Variants in PPP1R9A observed in about 807,000 individuals in gnomAD.
The protein encoded by PPP1R9A is protein phosphatase 1 regulatory subunit 9A, also known as neurabin-1.
In PPP1R9A, 59 loss-of-function variants were observed where a neutral mutation model predicts 141.9. The observed-to-expected ratio is 0.42, with a 90% CI of 0.34 to 0.52. PPP1R9A has a LOEUF of 0.52. Among genes scored for constraint, PPP1R9A ranks in the 20% least tolerant of loss-of-function variants. The probability of loss-of-function intolerance (pLI) is 0.10; values close to 1 mark genes in which losing one functional copy is unlikely to be tolerated. For synonymous variants in PPP1R9A, 500 were observed against 569.7 expected, an observed-to-expected ratio of 0.88 and a Z score of 1.74; for missense variants, 1,444 against 1,611.9, an observed-to-expected ratio of 0.90 and a Z score of 1.78.
intron 2 of PPP1R9A, among the ~76,000 whole-genome samples, chr7:94,931,354 T>C (rs189050456): frequency 7.2e-5 from 11 of 152,340 alleles, no homozygotes; most frequent in Non-Finnish European, 1.3e-4. Flanking sequence ...CAGCTCATTG[T>C]AAATTAAAAT....
At chr7:95,001,406 C>T (rs553529214) in intron 2 of PPP1R9A, among the ~76,000 whole-genome samples, 11 of 152,092 alleles carry the variant, frequency 7.2e-5, no homozygotes, top group African/African-American at 1.7e-4. Flanking sequence ...TGGTGATAAG[C>T]GTACAATTAT....
chr7:94,907,868 G>C (rs888121504), intron 1 of PPP1R9A, 166 bp downstream of exon 1: 11 of 148,948 alleles, frequency 7.4e-5, no homozygotes, highest in African/African-American at 2.2e-4. Flanking sequence ...GTCGCTGCTC[G>C]GGCCGCCGCC....
intron 2 of PPP1R9A, among the ~76,000 whole-genome samples, chr7:95,052,911 G>A (rs370955480): frequency 1.4e-4 from 22 of 152,192 alleles, no homozygotes; most frequent in Admixed American, 3.3e-4. Flanking sequence ...TTCTCTTGTC[G>A]TTGTGTCTGC....
intron 2 of PPP1R9A, among the ~76,000 whole-genome samples, chr7:95,050,555 C>G (rs1039190173): frequency 6.6e-6 from 1 of 152,100 alleles, no homozygotes; most frequent in Non-Finnish European, 1.5e-5. Flanking sequence ...TGGTGATACC[C>G]TGTCTCTAAT....
intron 16 of PPP1R9A, among the ~76,000 whole-genome samples, chr7:95,275,169 A>T (rs1802925030): frequency 1.3e-5 from 2 of 152,176 alleles, no homozygotes; most frequent in Admixed American, 1.3e-4. Flanking sequence ...GCACTTTGGG[A>T]GGCCAAGGCG....
chr7:95,120,564 AG>A (rs1822383933), intron 3 of PPP1R9A, 147 bp from the exon 4 acceptor site: 1 of 871,026 alleles, frequency 1.1e-6, no homozygotes, highest in South Asian at 2.5e-5. Flanking sequence ...TGCGTAGCTT[AG>A]AAAAGAATTC....
At position 95,225,974 on chromosome 7, in the gene PPP1R9A, C is replaced by T. The variant is rs1395807909; in HGVS notation, c.1970C>T (p.Ala657Val). ...CCTTCCTTTCAGACAGGAGAATATGCCACAGATGAAGAAGAAGATGAGGTA... is the reference window on the plus strand; with the variant it reads ...CCTTCCTTTCAGACAGGAGAATATGTCACAGATGAAGAAGAAGATGAGGTA... ...NNYFLKTGEYATDEEEDEVGP... is the reference protein window; with the variant it reads ...NNYFLKTGEYVTDEEEDEVGP... Residue 657 changes from alanine (A) to valine (V), a missense_variant, in exon 8 of 20, where the codon GCC (alanine) becomes GTC (valine). Physicochemically the swap from Ala to Val is moderately conservative, Grantham distance 64 (BLOSUM62 0). Coordinates refer to ENST00000433360, the MANE Select transcript of PPP1R9A (RefSeq NM_001166160.2). 1 of 1,606,602 alleles carries T rather than the reference C, an allele frequency of 6.2e-7. No homozygotes were observed. The highest frequency in any genetic ancestry group is 8.5e-7 in the Non-Finnish European group (1 of 1,174,238).
chr7:95,208,432 A>G (rs938203412), intron 7 of PPP1R9A, among the ~76,000 whole-genome samples: 5 of 152,184 alleles, frequency 3.3e-5, no homozygotes, highest in South Asian at 2.1e-4. Flanking sequence ...GTTTTTAGCA[A>G]TGTTTCTTAC....
intron 2 of PPP1R9A, among the ~76,000 whole-genome samples, chr7:95,062,103 G>C (rs781386772): frequency 2.6e-4 from 39 of 152,246 alleles, no homozygotes; most frequent in African/African-American, 9.1e-4. Context: ...AGATGTTGAA[G>C]ATGGTGGAGT....
In PPP1R9A at chr7:95,226,065, G is replaced by C. The variant is rs200781575; in HGVS notation, c.2061G>C (p.Met687Ile). ...TTGAGCTGCCTGAGAATGAGGACAT[G>C]TTTTCCCCATCAGAACTGGACACAA... ...EVFELPENED[M>I]FSPSELDTSK... The change falls in exon 8 of 20, where the codon ATG (methionine) becomes ATC (isoleucine). Residue 687 changes from methionine (M) to isoleucine (I), a missense_variant. Met to Ile is a conservative substitution (Grantham distance 10). Transcript: ENST00000433360. 1 of 1,613,620 alleles carries C rather than the reference G, an allele frequency of 6.2e-7. No individual in the cohort carries two copies. The highest frequency in any genetic ancestry group is 1.7e-5 in the Admixed American group (1 of 59,960).
At chr7:95,198,748 A>C (rs543110609) in intron 6 of PPP1R9A, among the ~76,000 whole-genome samples, 1 of 152,252 alleles carries the variant, frequency 6.6e-6, no homozygotes, top group Non-Finnish European at 1.5e-5. Context: ...TCATAGAAAC[A>C]GAAAAGGATA....
intron 2 of PPP1R9A, among the ~76,000 whole-genome samples, chr7:94,923,667 T>C (rs1793116776): frequency 6.6e-6 from 1 of 152,204 alleles, no homozygotes; most frequent in African/African-American, 2.4e-5. Flanking sequence ...GACTATATGG[T>C]AGTATGTTAT....
intron 2 of PPP1R9A, among the ~76,000 whole-genome samples, chr7:95,021,980 A>G (rs976836245): frequency 1.3e-5 from 2 of 152,194 alleles, no homozygotes; most frequent in East Asian, 1.9e-4. Context: ...TATGAAATTT[A>G]AAGTAGTTTT....
intron 7 of PPP1R9A, 151 bp from the exon 8 acceptor site, chr7:95,225,810 T>A: frequency 1.5e-6 from 1 of 674,798 alleles, no homozygotes; most frequent in East Asian, 2.8e-5. Flanking sequence ...GTTTATAACA[T>A]TGGCTGCATG....
In PPP1R9A at chr7:94,916,487, T is replaced by C. The variant is rs530217374; in HGVS notation, c.1395+4979T>C. 1.1e-3 allele frequency among the ~76,000 whole-genome samples: 175 copies of C among 152,278 alleles called. 1 individual carries two copies. The highest frequency in any genetic ancestry group is 4.1e-3 in the African/African-American group (170 of 41,554). On this transcript the variant is annotated intron_variant, in intron 2 of 19. Transcript: ENST00000433360. ...TTTCCTTTCCAGATGGGCTGCTATATCTGGTTGGGTGGAATAATATTCTCT... is the reference window on the plus strand; with the variant it reads ...TTTCCTTTCCAGATGGGCTGCTATACCTGGTTGGGTGGAATAATATTCTCT...
intron 4 of PPP1R9A, among the ~76,000 whole-genome samples, chr7:95,138,179 G>T (rs928445499): frequency 3.9e-5 from 6 of 151,986 alleles, no homozygotes; most frequent in Non-Finnish European, 7.4e-5. Flanking sequence ...TGATCCGCCC[G>T]CCTTGGTCTC....
chr7:95,132,306 A>C (rs1439674768), intron 4 of PPP1R9A, among the ~76,000 whole-genome samples: 3 of 152,092 alleles, frequency 2.0e-5, no homozygotes, highest in Non-Finnish European at 4.4e-5. Flanking sequence ...CATTTGGCCT[A>C]ATGTTGACTG....
At chr7:94,938,039 C>T (rs2150915369) in intron 2 of PPP1R9A, among the ~76,000 whole-genome samples, 1 of 152,240 alleles carries the variant, frequency 6.6e-6, no homozygotes, top group Non-Finnish European at 1.5e-5. Context: ...GTGGGGTACT[C>T]TGGTAGAGTA....
chr7:95,201,841 TC>T (rs2152871613), intron 6 of PPP1R9A, among the ~76,000 whole-genome samples: 1 of 152,304 alleles, frequency 6.6e-6, no homozygotes, highest in East Asian at 1.9e-4. Flanking sequence ...CCTGTGACAT[TC>T]CCTGCACCAG....
Sources: gnomAD v4.1 joint callset for allele counts (sites outside exome capture counted in the v4.1 genomes callset) on GRCh38, gnomAD v4.1.1 for gene constraint, MANE v1.5 for transcripts, NCBI Gene and HGNC (gene_info 2026-07-23, HGNC 2026-07-21) for gene names.